ABI2: variants seen among roughly 807,000 people sequenced by gnomAD.
The protein encoded by ABI2 is abelson interactor 2.
In ABI2, 25 loss-of-function variants were observed where a neutral mutation model predicts 59.2. The ratio of observed to expected loss-of-function variants is 0.42; its 90% confidence interval spans 0.31 to 0.59. The LOEUF (loss-of-function observed/expected upper bound fraction) is 0.59. Among genes scored for constraint, ABI2 ranks in the 20% least tolerant of loss-of-function variants. The probability of loss-of-function intolerance (pLI) is 0.14; values close to 1 mark genes in which losing one functional copy is unlikely to be tolerated. For missense variants in ABI2, 545 were observed against 681.8 expected, an observed-to-expected ratio of 0.80 and a Z score of 2.23; for synonymous variants, 213 against 235.5, an observed-to-expected ratio of 0.90 and a Z score of 0.87.
intron 4 of ABI2, among the ~76,000 whole-genome samples, chr2:203,382,868 A>G (rs185095553): frequency 1.2e-4 from 19 of 152,280 alleles, no homozygotes; most frequent in African/African-American, 4.3e-4. Context: ...GAATATAATT[A>G]TATGCAAAAC....
At chr2:203,362,475 G>C (rs1219192912) in intron 1 of ABI2, among the ~76,000 whole-genome samples, 3 of 151,852 alleles carry the variant, frequency 2.0e-5, no homozygotes, top group Non-Finnish European at 4.4e-5. Context: ...TTTAAATATT[G>C]AGTTTTACTA....
intron 9 of ABI2, among the ~76,000 whole-genome samples, chr2:203,404,706 C>G (rs2153461911): frequency 6.6e-6 from 1 of 152,222 alleles, no homozygotes; most frequent in East Asian, 1.9e-4. Context: ...TTACAGGCAC[C>G]TGCCACTACA....
At chr2:203,333,358 T>C (rs2074881521) in intron 1 of ABI2, among the ~76,000 whole-genome samples, 1 of 152,202 alleles carries the variant, frequency 6.6e-6, no homozygotes, top group Admixed American at 6.5e-5. Flanking sequence ...TCTGTACCTT[T>C]AAAAGAACCT....
At position 203,431,022 on chromosome 2, in the gene ABI2, C is replaced by T. The variant is rs1052011368; in HGVS notation, c.*3670C>T. On this transcript the variant is annotated 3_prime_UTR_variant, in exon 12 of 12. Transcript: ENST00000261018. ...ACAGCATGACATGTCCTGAAGGTCA[C>T]CTTTGCCTTTGAAAAAGGTTTGATG... 5.3e-5 allele frequency: 8 copies of T among 152,062 alleles called. 1 individual carries two copies. Among genetic ancestry groups the T allele is most frequent in the African/African-American group, 1.9e-4 (8 of 41,378 alleles). The allele number at this position is 152,062 out of a possible 1,614,324, so 9.4% of individuals were successfully genotyped here.
chr2:203,411,088 A>G (rs2097654155), intron 9 of ABI2, among the ~76,000 whole-genome samples, 197 bp from the exon 10 acceptor site: 1 of 152,034 alleles, frequency 6.6e-6, no homozygotes, highest in South Asian at 2.1e-4. Context: ...GTGATTTTCA[A>G]AAACTTACTA....
Position 203,429,693 on chromosome 2 carries a change from G to T in ABI2, c.*2341G>T, listed in dbSNP as rs1474472012. 3 of 149,922 alleles carry T rather than the reference G, an allele frequency of 2.0e-5. No homozygotes were observed. The highest frequency in any genetic ancestry group is 7.4e-5 in the African/African-American group (3 of 40,552). 9.3% of individuals were successfully genotyped at this position (149,922 alleles called of 1,614,324 possible). A position where few individuals can be genotyped will look rare whatever the true frequency, so the allele number is the denominator to read the frequency against. ...AATCACTGGAACCTGGGAGGCAGAG[G>T]TTGCAGTGAGCCGAGATTGTGCCAC... On this transcript the variant is annotated 3_prime_UTR_variant, in exon 12 of 12. Transcript: ENST00000261018.
At chr2:203,374,961 G>A (rs1382527885) in intron 2 of ABI2, 1 of 387,248 alleles carries the variant, frequency 2.6e-6, no homozygotes, top group East Asian at 7.5e-5. Flanking sequence ...CCTGTCATCT[G>A]CTGTGGCCTG....
At chr2:203,403,169 A>G (rs2097290523) in intron 9 of ABI2, 1 of 152,778 alleles carries the variant, frequency 6.5e-6, no homozygotes. Flanking sequence ...AGCTTATACA[A>G]TTCTCATACC....
intron 9 of ABI2, among the ~76,000 whole-genome samples, chr2:203,405,012 A>G (rs564866373): frequency 4.6e-5 from 7 of 152,338 alleles, no homozygotes; most frequent in African/African-American, 1.2e-4. Flanking sequence ...CTGATTTTCA[A>G]ATGCTTGAAA....
intron 4 of ABI2, among the ~76,000 whole-genome samples, chr2:203,384,287 TTTG>T (rs1179641285): frequency 0.044 from 1,086 of 24,420 alleles, 31 homozygotes; most frequent in African/African-American, 0.12. Flanking sequence ...TGTTTTTGTT[TTTG>T]TTTTTTTTTT....
At chr2:203,338,638 C>T (rs2077541502) in intron 1 of ABI2, among the ~76,000 whole-genome samples, 1 of 151,790 alleles carries the variant, frequency 6.6e-6, no homozygotes, top group Admixed American at 6.6e-5. Flanking sequence ...TATAAATTAC[C>T]CAGCCTCAGG....
intron 1 of ABI2, among the ~76,000 whole-genome samples, chr2:203,331,753 A>G (rs1175275511): frequency 2.0e-5 from 3 of 151,454 alleles, no homozygotes; most frequent in Admixed American, 6.6e-5. Context: ...ATTTTTGCCT[A>G]TAAAGTAGAA....
chr2:203,349,983 C>G (rs901545084), intron 1 of ABI2, among the ~76,000 whole-genome samples: 14 of 152,114 alleles, frequency 9.2e-5, no homozygotes, highest in Non-Finnish European at 1.8e-4. Flanking sequence ...CCTGTTTTCC[C>G]AGGTAGTTGC....
At chr2:203,370,895 T>G (rs1167494035) in intron 2 of ABI2, among the ~76,000 whole-genome samples, 1 of 152,190 alleles carries the variant, frequency 6.6e-6, no homozygotes, top group Admixed American at 6.5e-5. Context: ...TCTTTTCCCA[T>G]TAGTATTCTT....
chr2:203,405,711 T>A (rs2097396919), intron 9 of ABI2, among the ~76,000 whole-genome samples: 1 of 152,184 alleles, frequency 6.6e-6, no homozygotes, highest in Non-Finnish European at 1.5e-5. Context: ...ATGAGCTTTT[T>A]TTTTGGGGGG....
chr2:203,409,142 T>A (rs1040010113), intron 9 of ABI2, among the ~76,000 whole-genome samples: 4 of 151,880 alleles, frequency 2.6e-5, no homozygotes, highest in African/African-American at 9.7e-5. Context: ...CCGGCCCAAC[T>A]ACCTTCTCTT....
chr2:203,342,552 T>TTTTATTTATTTATTTATTTA (rs10623488), intron 1 of ABI2, among the ~76,000 whole-genome samples: 9 of 140,398 alleles, frequency 6.4e-5, no homozygotes, highest in South Asian at 2.4e-4. Context: ...CCTCAAAACC[T>TTTTATTTATTTATTTATTTA]TTTATTTATT....
intron 1 of ABI2, among the ~76,000 whole-genome samples, chr2:203,354,201 G>A (rs983374251): frequency 4.6e-5 from 7 of 151,910 alleles, no homozygotes; most frequent in African/African-American, 1.2e-4. Flanking sequence ...GCTTCACCAC[G>A]CCCTGCTAAT....
chr2:203,423,710 C>G (rs141006173), intron 11 of ABI2, among the ~76,000 whole-genome samples: 2 of 152,118 alleles, frequency 1.3e-5, no homozygotes, highest in African/African-American at 2.4e-5. Flanking sequence ...CGTGAGCCAC[C>G]GCGCCCAGCC....
Sources: allele counts gnomAD v4.1 joint callset (sites outside exome capture counted in the v4.1 genomes callset), GRCh38; gene constraint gnomAD v4.1.1; transcripts MANE v1.5; gene names NCBI Gene and HGNC (gene_info 2026-07-23, HGNC 2026-07-21).